The following TENM2 variants were observed in gnomAD, a reference collection of about 807,000 sequenced individuals.
TENM2 encodes the protein teneurin transmembrane protein 2.
Under a neutral mutation model 245.2 loss-of-function variants are expected in TENM2, and 52 were observed. The observed-to-expected ratio is 0.21, with a 90% confidence interval of 0.17 to 0.27. The LOEUF is 0.27. Among genes scored for constraint, TENM2 ranks in the 10% least tolerant of loss-of-function variants. TENM2 has a pLI of 1.00. For missense variants in TENM2, 3,046 were observed against 3,666.8 expected (o/e 0.83, Z 4.37); for synonymous variants, 1,363 against 1,438.9 (o/e 0.95, Z 1.19).
intron 2 of TENM2, among the ~76,000 whole-genome samples, chr5:167,560,886 G>A (rs866634821): frequency 1.3e-4 from 19 of 151,716 alleles, no homozygotes; most frequent in Middle Eastern, 6.8e-3. Flanking sequence ...ATTGCCTGGA[G>A]GCATTAGATT....
the TENM2 span, among the ~76,000 whole-genome samples, chr5:167,200,426 C>T: frequency 3.5e-3 from 538 of 152,026 alleles, 1 homozygote; most frequent in Non-Finnish European, 5.4e-3. Context: ...TGTCTCTCTG[C>T]TTGCCCCCTC....
chr5:168,048,186 G>A (rs1788776299), intron 6 of TENM2, among the ~76,000 whole-genome samples: 2 of 145,510 alleles, frequency 1.4e-5, no homozygotes, highest in Admixed American at 1.5e-4. Context: ...AAAAAAAGGT[G>A]CTAACAAGGT....
At chr5:167,274,399 T>A in the TENM2 span, among the ~76,000 whole-genome samples, 18 of 152,148 alleles carry the variant, frequency 1.2e-4, no homozygotes, top group Non-Finnish European at 2.4e-4. Flanking sequence ...GTTTAACTAG[T>A]CACCCATTGA....
chr5:167,397,990 T>A (rs988797027), intron 2 of TENM2, among the ~76,000 whole-genome samples: 8 of 152,242 alleles, frequency 5.3e-5, no homozygotes, highest in African/African-American at 1.9e-4. Context: ...CTATATATAC[T>A]CCATGCACTG....
At chr5:167,488,920 A>G (rs1768255351) in intron 2 of TENM2, among the ~76,000 whole-genome samples, 1 of 152,158 alleles carries the variant, frequency 6.6e-6, no homozygotes, top group African/African-American at 2.4e-5. Context: ...GTCAGGTCAA[A>G]TTCTTAGAGT....
intron 2 of TENM2, among the ~76,000 whole-genome samples, chr5:167,425,530 G>A (rs1271329474): frequency 3.9e-5 from 6 of 152,088 alleles, no homozygotes; most frequent in Non-Finnish European, 7.4e-5. Flanking sequence ...CAAACATACA[G>A]CTTTTGATAT....
At chr5:167,522,886 GGCTGCCGTAATGAATTATCGTAAACCA>G (rs1397605381) in intron 2 of TENM2, among the ~76,000 whole-genome samples, 3 of 151,462 alleles carry the variant, frequency 2.0e-5, no homozygotes, top group African/African-American at 7.3e-5. Flanking sequence ...ACTATCCTAG[GGCTGCCGTAATGAATTATCGTAAACCA>G]GCTGGCTTAA....
In TENM2 at chr5:167,715,242, T is replaced by C. The variant is rs544972255; in HGVS notation, c.503-160744T>C. 4.6e-5 allele frequency among the ~76,000 whole-genome samples: 7 copies of C among 152,284 alleles called. No homozygotes were observed. In the East Asian group the frequency reaches 1.2e-3, roughly 25 times the overall value. Reference sequence around the variant, plus strand: ...TGTTGACATGATAGGCCAGAGGAGATAGATTTTAAATTATGTGTTAGGAGA... The same window carrying C: ...TGTTGACATGATAGGCCAGAGGAGACAGATTTTAAATTATGTGTTAGGAGA... On this transcript the variant is annotated intron_variant, in intron 2 of 28. Transcript: ENST00000518659.
the TENM2 span, among the ~76,000 whole-genome samples, chr5:167,125,647 A>G: frequency 6.6e-6 from 1 of 152,188 alleles, no homozygotes; most frequent in East Asian, 1.9e-4. Context: ...TACATATTCT[A>G]TACATAGATA....
intron 2 of TENM2, among the ~76,000 whole-genome samples, chr5:167,543,185 G>A (rs1444164848): frequency 1.3e-5 from 2 of 152,080 alleles, no homozygotes; most frequent in Non-Finnish European, 1.5e-5. Context: ...GGAGGGGGTG[G>A]TACTCTTATC....
chr5:167,566,631 G>C (rs942752991), intron 2 of TENM2, among the ~76,000 whole-genome samples: 4 of 152,156 alleles, frequency 2.6e-5, no homozygotes, highest in Admixed American at 6.5e-5. Flanking sequence ...TACGTTCAAG[G>C]CTGTGATCAT....
chr5:167,302,693 G>A (rs1362141355), intron 1 of TENM2, among the ~76,000 whole-genome samples: 1 of 151,796 alleles, frequency 6.6e-6, no homozygotes, highest in Admixed American at 6.6e-5. Context: ...AGTGGTACTT[G>A]CCACTAAGGG....
intron 2 of TENM2, among the ~76,000 whole-genome samples, chr5:167,746,230 C>G (rs1416158090): frequency 6.6e-6 from 1 of 152,134 alleles, no homozygotes; most frequent in Non-Finnish European, 1.5e-5. Flanking sequence ...AGCTTGCACA[C>G]GAAACCCAAT....
intron 2 of TENM2, among the ~76,000 whole-genome samples, chr5:167,600,275 AT>A (rs1204582843): frequency 6.6e-6 from 1 of 151,944 alleles, no homozygotes; most frequent in Non-Finnish European, 1.5e-5. Flanking sequence ...CATTAAAAAA[AT>A]ATGTTTATGA....
chr5:167,908,128 G>A (rs1190032188), intron 3 of TENM2, among the ~76,000 whole-genome samples: 2 of 151,978 alleles, frequency 1.3e-5, no homozygotes, highest in African/African-American at 4.8e-5. Context: ...AATACTTCTG[G>A]CCAATTATTG....
At chr5:167,313,131 G>A (rs1315099111) in intron 1 of TENM2, among the ~76,000 whole-genome samples, 1 of 152,000 alleles carries the variant, frequency 6.6e-6, no homozygotes, top group Non-Finnish European at 1.5e-5. Context: ...TCAAACTCCT[G>A]ACCTCAAGTG....
intron 2 of TENM2, among the ~76,000 whole-genome samples, chr5:167,658,020 T>C (rs1228457033): frequency 2.0e-5 from 3 of 152,246 alleles, no homozygotes; most frequent in African/African-American, 7.2e-5. Context: ...TATTGCATGC[T>C]TGTCTTAGTC....
At chr5:167,100,080 A>G in the TENM2 span, among the ~76,000 whole-genome samples, 1 of 152,282 alleles carries the variant, frequency 6.6e-6, no homozygotes, top group South Asian at 2.1e-4. Flanking sequence ...TTCAGTTCTG[A>G]CAATTTAAAA....
the TENM2 span, among the ~76,000 whole-genome samples, chr5:167,016,260 AAAAACAAACAAAC>A: frequency 4.5e-5 from 5 of 112,338 alleles, no homozygotes; most frequent in African/African-American, 1.5e-4. Context: ...TCTCAAAAAA[AAAAACAAACAAAC>A]AAACAAACAA....
Sources: gnomAD v4.1 joint callset for allele counts (sites outside exome capture counted in the v4.1 genomes callset) on GRCh38, gnomAD v4.1.1 for gene constraint, MANE v1.5 for transcripts, NCBI Gene and HGNC (gene_info 2026-07-23, HGNC 2026-07-21) for gene names.